The following FRMD3 variants were observed in gnomAD, a reference collection of about 807,000 sequenced individuals.
The protein encoded by FRMD3 is FERM domain containing 3.
A neutral mutation model predicts 70.2 loss-of-function variants in FRMD3; 33 were observed. That is an observed-to-expected ratio of 0.47 (90% CI 0.36 to 0.63). The LOEUF is 0.63. Ranked by LOEUF, FRMD3 falls within the 20% of genes least tolerant of loss-of-function variation. FRMD3 has a pLI of 0.00. For synonymous variants in FRMD3, 279 were observed against 255.9 expected, an observed-to-expected ratio of 1.09 and a Z score of -0.86; for missense variants, 632 against 711.4, an observed-to-expected ratio of 0.89 and a Z score of 1.27.
At chr9:83,387,748 C>T (rs1825551609) in intron 2 of FRMD3, among the ~76,000 whole-genome samples, 1 of 152,192 alleles carries the variant, frequency 6.6e-6, no homozygotes, top group African/African-American at 2.4e-5. Flanking sequence ...GGAATATCTT[C>T]ACAGGCTATA....
intron 1 of FRMD3, among the ~76,000 whole-genome samples, chr9:83,445,109 C>T (rs1364169431): frequency 1.3e-5 from 2 of 152,222 alleles, no homozygotes; most frequent in East Asian, 1.9e-4. Context: ...AGCACAGTGG[C>T]TCACGCCTGT....
chr9:83,454,007 G>A (rs4504712), intron 1 of FRMD3, among the ~76,000 whole-genome samples: 4,373 of 152,130 alleles, frequency 0.029, 80 homozygotes, highest in Non-Finnish European at 0.039. Flanking sequence ...GAGCCACCGC[G>A]CCCAGCTCTT....
intron 6 of FRMD3, among the ~76,000 whole-genome samples, chr9:83,334,624 ATT>A (rs5898824): frequency 6.6e-6 from 1 of 151,458 alleles, no homozygotes; most frequent in Non-Finnish European, 1.5e-5. Context: ...TACCAAAATG[ATT>A]TTTTTTTCTG....
In FRMD3 at chr9:83,537,096, G is replaced by T. The variant is rs892412816; in HGVS notation, c.147+989C>A. Among the ~76,000 whole-genome samples, 1 of 152,014 alleles carries T rather than the reference G, an allele frequency of 6.6e-6. No individual in the cohort carries two copies. Among genetic ancestry groups the T allele is most frequent in the Non-Finnish European group, 1.5e-5 (1 of 68,018 alleles). The stretch of plus-strand genomic sequence containing the variant: ...TTCCTGATTGTGTGCGCACCGAGTG[G>T]GGCATCTTTGGGGTCCTGGAAGAGG... On this transcript the variant is annotated intron_variant, in intron 1 of 13. Transcript: ENST00000304195. The surrounding 1 kb of genome is among the most constrained non-coding windows in gnomAD (Gnocchi z 4.1).
At chr9:83,400,648 G>C (rs749465462) in intron 1 of FRMD3, among the ~76,000 whole-genome samples, 1 of 152,160 alleles carries the variant, frequency 6.6e-6, no homozygotes, top group Non-Finnish European at 1.5e-5. Flanking sequence ...TAAAGTTACA[G>C]TGATGAAGGC....
chr9:83,268,457 A>G (rs1185223931), intron 13 of FRMD3, among the ~76,000 whole-genome samples: 1 of 152,246 alleles, frequency 6.6e-6, no homozygotes, highest in Non-Finnish European at 1.5e-5. Context: ...TGTTCATCAG[A>G]GTATCATTTA....
chr9:83,248,480 G>T lies in FRMD3; in HGVS notation c.1232C>A (p.Pro411His). The T allele has an allele frequency of 6.2e-7, 1 of 1,612,264 alleles. No homozygotes were observed. ...CTTCACTGGGGAGCTGGAGATCAAG[G>T]GAGCAGAAATGTTCTCCTCTTTAGG... ...PLPKEENISA[P>H]LISSSPVKAA... is the part of the protein sequence containing the mutation. The change falls in exon 14 of 14, where the codon CCC becomes CAC. Residue 411 changes from proline (P) to histidine (H), a missense_variant. Transcript: ENST00000304195.
the FRMD3 span, among the ~76,000 whole-genome samples, chr9:83,568,943 GATAGATAGATAGATACATACATACATAC>G: frequency 8.0e-5 from 10 of 124,636 alleles, no homozygotes; most frequent in African/African-American, 3.0e-4. Flanking sequence ...TAGATAGATA[GATAGATAGATAGATACATACATACATAC>G]ATACATACAT....
At chr9:83,442,097 G>A (rs1827315370) in intron 1 of FRMD3, among the ~76,000 whole-genome samples, 1 of 152,102 alleles carries the variant, frequency 6.6e-6, no homozygotes, top group East Asian at 1.9e-4. Flanking sequence ...TCTTAGATGC[G>A]TCACCCTCTC....
chr9:83,546,293 G>T, the FRMD3 span, among the ~76,000 whole-genome samples: 1 of 152,180 alleles, frequency 6.6e-6, no homozygotes, highest in Non-Finnish European at 1.5e-5. Context: ...GGAGGCAGAG[G>T]TTGCAGTGAG....
In FRMD3 at chr9:83,346,736, T is replaced by C. The variant is rs114279837; in HGVS notation, c.374+2943A>G. On this transcript the variant is annotated intron_variant, in intron 4 of 13. Coordinates refer to ENST00000304195, the MANE Select transcript of FRMD3 (RefSeq NM_174938.6). ...TGGTGGTTCTCAAAATTTGGCATGC[T>C]TCAGAATTACCTGGAGGGCTTATGA... Among the ~76,000 whole-genome samples the C allele has an allele frequency of 3.0e-3, 458 of 152,332 alleles. 1 individual carries two copies. Among genetic ancestry groups the C allele is most frequent in the African/African-American group, 0.01 (433 of 41,568 alleles).
At chr9:83,454,794 T>C (rs1270126125) in intron 1 of FRMD3, among the ~76,000 whole-genome samples, 1 of 152,208 alleles carries the variant, frequency 6.6e-6, no homozygotes, top group Non-Finnish European at 1.5e-5. Context: ...TCTATTCATC[T>C]TTGCAAACAT....
At chr9:83,290,825 G>T in intron 12 of FRMD3, 98 bp from the exon 13 acceptor site, 1 of 1,257,284 alleles carries the variant, frequency 8.0e-7, no homozygotes, top group African/African-American at 1.5e-5. Flanking sequence ...GTGTCTACAG[G>T]GAACTACCTC....
chr9:83,346,059 C>G (rs906072492), intron 4 of FRMD3, among the ~76,000 whole-genome samples: 2 of 152,126 alleles, frequency 1.3e-5, no homozygotes, highest in African/African-American at 4.8e-5. Context: ...AGTTCCAGAA[C>G]AGCCTGGCCA....
chr9:83,507,428 G>A (rs1350399411), intron 1 of FRMD3, among the ~76,000 whole-genome samples: 1 of 149,588 alleles, frequency 6.7e-6, no homozygotes, highest in African/African-American at 2.5e-5. Context: ...AGCACTTTGG[G>A]AGGCCGAGGC....
At chr9:83,397,069 T>C (rs1207388238) in intron 1 of FRMD3, among the ~76,000 whole-genome samples, 1 of 152,230 alleles carries the variant, frequency 6.6e-6, no homozygotes, top group Non-Finnish European at 1.5e-5. Flanking sequence ...GCAGAGTCCA[T>C]TGACTGCTGT....
At chr9:83,280,357 A>G (rs9942867) in intron 13 of FRMD3, among the ~76,000 whole-genome samples, 8,021 of 152,224 alleles carry the variant, frequency 0.053, 541 homozygotes, top group African/African-American at 0.16. Flanking sequence ...TGTATATTGG[A>G]GACTTAGGGG....
chr9:83,319,575 C>T (rs1448356227), intron 6 of FRMD3, among the ~76,000 whole-genome samples: 1 of 152,160 alleles, frequency 6.6e-6, no homozygotes, highest in Non-Finnish European at 1.5e-5. Context: ...GCATGTGCCA[C>T]CAGGTCCAGC....
At chr9:83,486,462 T>C (rs111551419) in intron 1 of FRMD3, among the ~76,000 whole-genome samples, 62 of 152,350 alleles carry the variant, frequency 4.1e-4, no homozygotes, top group African/African-American at 1.4e-3. Context: ...CATCAGTTTA[T>C]GTATTTAGTT....
Sources: allele counts gnomAD v4.1 joint callset (sites outside exome capture counted in the v4.1 genomes callset), GRCh38; gene constraint gnomAD v4.1.1; non-coding constraint Gnocchi (gnomAD v3.1); transcripts MANE v1.5; gene names NCBI Gene and HGNC (gene_info 2026-07-23, HGNC 2026-07-21).